The following GCLM variants were observed in gnomAD, a reference collection of about 807,000 sequenced individuals.
GCLM encodes glutamate-cysteine ligase modifier subunit.
Under a neutral mutation model 36.0 loss-of-function variants are expected in GCLM, and 15 were observed. The ratio of observed to expected loss-of-function variants is 0.42; its 90% CI spans 0.28 to 0.64. The LOEUF (loss-of-function observed/expected upper bound fraction) is 0.64. Ranked by LOEUF, GCLM falls within the 30% of genes least tolerant of loss-of-function variation. The probability of loss-of-function intolerance (pLI) is 0.25; values close to 1 mark genes in which losing one functional copy is unlikely to be tolerated. For synonymous variants in GCLM, 129 were observed against 122.8 expected (o/e 1.05, Z -0.34); for missense variants, 242 against 325.5 (o/e 0.74, Z 1.97).
Position 93,897,792 on chromosome 1 carries a change from C to G in GCLM, c.337+47G>C, listed in dbSNP as rs757510201. The G allele has an allele frequency of 3.9e-5, 37 of 956,440 alleles. 2 individuals are homozygous for G. In the South Asian group the frequency reaches 5.9e-4, roughly 15 times the overall value. 59.2% of individuals were successfully genotyped at this position (956,440 alleles called of 1,614,324 possible). ...ACAAGTTATAACTAATACACCTATA[C>G]TAATTTAAAGTCCACTATTAAGATA... On this transcript the variant is annotated intron_variant, in intron 4 of 6. Transcript: ENST00000370238.
At chr1:93,897,980 C>A in intron 3 of GCLM, 82 bp from the exon 4 acceptor site, 1 of 584,912 alleles carries the variant, frequency 1.7e-6, no homozygotes, top group South Asian at 3.1e-5. Context: ...TACTATAATA[C>A]TAAGATGTCA....
chr1:93,904,074 T>C (rs1342191777), intron 2 of GCLM, among the ~76,000 whole-genome samples: 2 of 152,218 alleles, frequency 1.3e-5, no homozygotes, highest in Non-Finnish European at 2.9e-5. Flanking sequence ...AAATGTGTTT[T>C]AGGGTTTTGA....
Position 93,886,753 on chromosome 1 carries a change from A to T in GCLM, c.*2237T>A, listed in dbSNP as rs1208977639. 6.6e-6 allele frequency: 1 copy of T among 152,180 alleles called. No homozygotes were observed. Among genetic ancestry groups the T allele is most frequent in the African/African-American group, 2.4e-5 (1 of 41,450 alleles). 9.4% of individuals were successfully genotyped at this position (152,180 alleles called of 1,614,324 possible). On this transcript the variant is annotated 3_prime_UTR_variant, in exon 7 of 7. Transcript: ENST00000370238. ...TTATAAGTCCAGGGTTATAAAAACAATAAATGGGATATTAAAGTTCCCTCT... is the reference window on the plus strand; with the variant it reads ...TTATAAGTCCAGGGTTATAAAAACATTAAATGGGATATTAAAGTTCCCTCT...
intron 6 of GCLM, 140 bp downstream of exon 6, chr1:93,894,474 G>C (rs1656651002): frequency 1.9e-6 from 1 of 526,256 alleles, no homozygotes. Context: ...GGGCATATAG[G>C]TTTTGAACTA....
chr1:93,907,624 A>G (rs780569416), intron 1 of GCLM, among the ~76,000 whole-genome samples: 2 of 152,174 alleles, frequency 1.3e-5, no homozygotes, highest in Non-Finnish European at 2.9e-5. Flanking sequence ...TTCTGTATTG[A>G]ACTACCACCA....
intron 2 of GCLM, among the ~76,000 whole-genome samples, chr1:93,902,172 GTTTGTTTTGT>G (rs1236094955): frequency 6.6e-6 from 1 of 151,752 alleles, no homozygotes; most frequent in African/African-American, 2.4e-5. Flanking sequence ...TTTTTTGTTT[GTTTGTTTTGT>G]TTTGTTTTGT....
chr1:93,891,913 A>G (rs1392813105), intron 6 of GCLM, among the ~76,000 whole-genome samples: 4 of 152,204 alleles, frequency 2.6e-5, no homozygotes, highest in African/African-American at 9.7e-5. Flanking sequence ...CCTATGAGAT[A>G]GATTCTATTA....
rs1348966769 is a variant in GCLM at position 93,904,931 on chromosome 1, TGGGAGGCTGA to T, written c.127-353_127-344del. Among the ~76,000 whole-genome samples, 4 of 152,138 alleles carry T rather than the reference TGGGAGGCTGA, an allele frequency of 2.6e-5. No homozygotes were observed. The East Asian group carries it at 7.7e-4, about 29-fold the overall frequency. On this transcript the variant is annotated intron_variant, in intron 1 of 6. Coordinates refer to ENST00000370238, the MANE Select transcript of GCLM (RefSeq NM_002061.4). ...GCTCATGCCTGTAATCCCAGCACTT[TGGGAGGCTGA>T]GGGGGGCAAATCACTTGAGGTCAGG...
In GCLM at chr1:93,909,297, G is replaced by T; in HGVS notation, c.-134C>A. On this transcript the variant is annotated 5_prime_UTR_variant, in exon 1 of 7. Coordinates refer to ENST00000370238, the MANE Select transcript of GCLM (RefSeq NM_002061.4). ...GAGCGCGAGGCTGCCGGCGCCGCGCGGCTGGAGCCTGGTCTGCGCTCGGGC... is the reference window on the plus strand; with the variant it reads ...GAGCGCGAGGCTGCCGGCGCCGCGCTGCTGGAGCCTGGTCTGCGCTCGGGC... 1 of 1,046,964 alleles carries T rather than the reference G, an allele frequency of 9.6e-7. No individual in the cohort carries two copies. The highest frequency in any genetic ancestry group is 1.1e-6 in the Non-Finnish European group (1 of 871,386). The allele number at this position is 1,046,964 out of a possible 1,614,324, so 64.9% of individuals were successfully genotyped here.
At chr1:93,897,672 G>A (rs1656781904) in intron 4 of GCLM, among the ~76,000 whole-genome samples, 167 bp downstream of exon 4, 2 of 151,978 alleles carry the variant, frequency 1.3e-5, no homozygotes, top group Non-Finnish European at 2.9e-5. Context: ...CCCTACATAA[G>A]TCAGTATGAT....
chr1:93,886,510 A>C lies in GCLM; in HGVS notation c.*2480T>G, dbSNP rs934016411. 6 of 152,300 alleles carry C rather than the reference A, an allele frequency of 3.9e-5. No homozygotes were observed. The highest frequency in any genetic ancestry group is 1.4e-4 in the African/African-American group (6 of 41,578). 9.4% of individuals were successfully genotyped at this position (152,300 alleles called of 1,614,324 possible). A position where few individuals can be genotyped will look rare whatever the true frequency, so the allele number is the denominator to read the frequency against. ...AAATCAGTGTTTTAAAAGAGTATTCAATAATAGAAAATCAAGAGTAGAGAG... is the reference window on the plus strand; with the variant it reads ...AAATCAGTGTTTTAAAAGAGTATTCCATAATAGAAAATCAAGAGTAGAGAG... On this transcript the variant is annotated 3_prime_UTR_variant, in exon 7 of 7. Coordinates refer to ENST00000370238, the MANE Select transcript of GCLM (RefSeq NM_002061.4).
In GCLM at chr1:93,896,769, G is replaced by A. The variant is rs768052355; in HGVS notation, c.389C>T (p.Pro130Leu). Residue 130 changes from proline (P) to leucine (L), a missense_variant, in exon 5 of 7, where the codon CCT becomes CTT. Pro to Leu is a moderately conservative substitution (Grantham distance 98). Transcript: ENST00000370238. ...AQLDSVIIAS[P>L]PIEDGVNLSL... The stretch of plus-strand genomic sequence containing the variant: ...AAGATTAACTCCATCTTCAATAGGA[G>A]GTGAAGCAATGATCACAGAATCCAG... 6.2e-7 allele frequency: 1 copy of A among 1,610,158 alleles called. No homozygotes were observed. Among genetic ancestry groups the A allele is most frequent in the South Asian group, 1.1e-5 (1 of 90,990 alleles).
Position 93,909,207 on chromosome 1 carries a change from G to A in GCLM, c.-44C>T, listed in dbSNP as rs1657270497. Reference sequence around the variant, plus strand: ...GCCGCGCAGCGAAGGGGCTGCGGGCGGGCGGGCAGGCAGGCGGCCGCCCCA... The same window carrying A: ...GCCGCGCAGCGAAGGGGCTGCGGGCAGGCGGGCAGGCAGGCGGCCGCCCCA... On this transcript the variant is annotated 5_prime_UTR_variant, in exon 1 of 7. Coordinates refer to ENST00000370238, the MANE Select transcript of GCLM (RefSeq NM_002061.4). The A allele has an allele frequency of 1.7e-6, 2 of 1,160,680 alleles. No individual in the cohort carries two copies. Among genetic ancestry groups the A allele is most frequent in the African/African-American group, 1.6e-5 (1 of 61,688 alleles). 71.9% of individuals were successfully genotyped at this position (1,160,680 alleles called of 1,614,324 possible).
intron 6 of GCLM, among the ~76,000 whole-genome samples, chr1:93,890,345 A>G (rs1185174455): frequency 6.6e-6 from 1 of 152,182 alleles, no homozygotes; most frequent in Non-Finnish European, 1.5e-5. Flanking sequence ...ATTACAAATA[A>G]GTCTGTAAGT....
intron 6 of GCLM, among the ~76,000 whole-genome samples, chr1:93,890,523 C>T (rs966043506): frequency 1.2e-4 from 19 of 152,060 alleles, no homozygotes; most frequent in African/African-American, 4.6e-4. Flanking sequence ...TCCATAAAAA[C>T]CCTTTCTAAA....
At chr1:93,904,217 A>G in intron 2 of GCLM, 1 of 328,380 alleles carries the variant, frequency 3.0e-6, no homozygotes, top group Non-Finnish European at 5.7e-6. Context: ...TACCAATCAC[A>G]ATTGATAATC....
At chr1:93,890,457 A>G (rs1461773734) in intron 6 of GCLM, among the ~76,000 whole-genome samples, 1 of 152,202 alleles carries the variant, frequency 6.6e-6, no homozygotes, top group Non-Finnish European at 1.5e-5. Context: ...CCCATTTTAC[A>G]GGTGACATTT....
chr1:93,900,938 C>A (rs1457172972), intron 3 of GCLM, among the ~76,000 whole-genome samples: 1 of 152,160 alleles, frequency 6.6e-6, no homozygotes, highest in African/African-American at 2.4e-5. Context: ...AACTGAGACT[C>A]AGGGAGGTTA....
intron 4 of GCLM, 100 bp downstream of exon 4, chr1:93,897,739 C>G (rs1014566410): frequency 1.6e-6 from 1 of 623,336 alleles, no homozygotes; most frequent in Middle Eastern, 3.5e-4. Flanking sequence ...TTGGAATCAA[C>G]TCATTTTCTT....
Sources: allele counts gnomAD v4.1 joint callset (sites outside exome capture counted in the v4.1 genomes callset), GRCh38; gene constraint gnomAD v4.1.1; transcripts MANE v1.5; gene names NCBI Gene and HGNC (gene_info 2026-07-23, HGNC 2026-07-21).